MAPK10: variants seen among roughly 807,000 people sequenced by gnomAD.
MAPK10 encodes the protein JNK3 alpha protein kinase.
In MAPK10, 25 loss-of-function variants were observed where a neutral mutation model predicts 59.3. The observed-to-expected ratio is 0.42, with a 90% CI of 0.31 to 0.59. The LOEUF is 0.59. Among genes scored for constraint, MAPK10 ranks in the 20% least tolerant of loss-of-function variants. MAPK10 has a pLI of 0.15. For missense variants in MAPK10, 351 were observed against 568.9 expected (o/e 0.62, Z 3.90); for synonymous variants, 190 against 200.5 (o/e 0.95, Z 0.44).
At chr4:86,323,111 T>C (rs1337783133) in intron 2 of MAPK10, among the ~76,000 whole-genome samples, 1 of 152,172 alleles carries the variant, frequency 6.6e-6, no homozygotes, top group East Asian at 1.9e-4. Context: ...GAGGCGAAGG[T>C]TGCAGTGAGC....
At chr4:86,342,270 C>T (rs1307376961) in intron 2 of MAPK10, among the ~76,000 whole-genome samples, 2 of 152,086 alleles carry the variant, frequency 1.3e-5, no homozygotes, top group African/African-American at 4.8e-5. Context: ...CTCTACTAAG[C>T]AGGAAAATAG....
chr4:86,089,230 C>T, intron 9 of MAPK10: 1 of 1,612,938 alleles, frequency 6.2e-7, no homozygotes, highest in Non-Finnish European at 8.5e-7. Flanking sequence ...AACAGCACTG[C>T]ACCTTTTATC....
intron 2 of MAPK10, among the ~76,000 whole-genome samples, chr4:86,339,271 C>G (rs915556155): frequency 1.3e-5 from 2 of 152,130 alleles, no homozygotes; most frequent in African/African-American, 4.8e-5. Context: ...GAGGCTGAGG[C>G]TAAATAAGAC....
At chr4:86,476,086 T>A (rs1186415202) in intron 1 of MAPK10, among the ~76,000 whole-genome samples, 2 of 152,132 alleles carry the variant, frequency 1.3e-5, no homozygotes, top group Non-Finnish European at 2.9e-5. Flanking sequence ...CTTTTACACA[T>A]TGTTCCCTCC....
chr4:86,282,794 G>A (rs999931822), intron 2 of MAPK10, among the ~76,000 whole-genome samples: 1 of 152,108 alleles, frequency 6.6e-6, no homozygotes, highest in African/African-American at 2.4e-5. Context: ...TTTGAAATGG[G>A]AACATCCAAG....
At chr4:86,513,357 C>A (rs1756424645) in intron 1 of MAPK10, among the ~76,000 whole-genome samples, 1 of 152,118 alleles carries the variant, frequency 6.6e-6, no homozygotes, top group Non-Finnish European at 1.5e-5. Context: ...CAAGGAGATC[C>A]TTTAGTCCAC....
chr4:86,126,013 T>C (rs2060018514), intron 4 of MAPK10: 1 of 152,104 alleles, frequency 6.6e-6, no homozygotes, highest in Non-Finnish European at 1.5e-5. Flanking sequence ...GCAGGACATA[T>C]AATTACGATA....
rs190995712 is a variant in MAPK10, at chr4:86,352,792, A to G, written c.-7+1738T>C. ...ATGCGTATGGTATATTTCACAATTAAAAAATAAACTGATTATGTCAATCTC... is the reference window on the plus strand; with the variant it reads ...ATGCGTATGGTATATTTCACAATTAGAAAATAAACTGATTATGTCAATCTC... On this transcript the variant is annotated intron_variant, in intron 2 of 13. Coordinates refer to ENST00000641462, the MANE Select transcript of MAPK10 (RefSeq NM_138982.4). 8.6e-3 allele frequency among the ~76,000 whole-genome samples: 1,317 copies of G among 152,300 alleles called. 24 individuals carry two copies. The highest frequency in any genetic ancestry group is 0.03 in the African/African-American group (1,238 of 41,554).
chr4:86,314,698 A>T (rs1274981722), intron 2 of MAPK10, among the ~76,000 whole-genome samples: 1 of 152,150 alleles, frequency 6.6e-6, no homozygotes, highest in Non-Finnish European at 1.5e-5. Context: ...ATAGAAATAG[A>T]AGTTGTTGTT....
rs148366468 is a variant in MAPK10 at position 86,408,380 on chromosome 4, T to C, written c.-122+44650A>G. The stretch of plus-strand genomic sequence containing the variant: ...AAACATACATGTGCACATGTCTTTA[T>C]AGTAGCATGATTAAAAATCCTTTGG... On this transcript the variant is annotated intron_variant, in intron 1 of 13. Coordinates refer to the MAPK10 transcript ENST00000361569. Among the ~76,000 whole-genome samples, 1,073 of 152,278 alleles carry C rather than the reference T, an allele frequency of 7.0e-3. 3 individuals are homozygous for C. Among genetic ancestry groups the C allele is most frequent in the Non-Finnish European group, 0.012 (831 of 68,002 alleles).
intron 1 of MAPK10, among the ~76,000 whole-genome samples, chr4:86,583,979 T>A (rs1327744539): frequency 6.6e-6 from 1 of 152,208 alleles, no homozygotes; most frequent in Non-Finnish European, 1.5e-5. Flanking sequence ...TATGCATAGA[T>A]GTGTTTTACT....
chr4:86,221,419 G>C (rs2089540030), intron 2 of MAPK10, among the ~76,000 whole-genome samples: 1 of 151,968 alleles, frequency 6.6e-6, no homozygotes, highest in Admixed American at 6.6e-5. Context: ...AATAAAGGAG[G>C]CACATTGATA....
chr4:86,505,980 T>C (rs1755708317), intron 1 of MAPK10, among the ~76,000 whole-genome samples: 1 of 152,142 alleles, frequency 6.6e-6, no homozygotes, highest in Non-Finnish European at 1.5e-5. Context: ...ATGTAAAACA[T>C]GAGCTAGGCA....
At chr4:86,341,140 TAC>T (rs1724649098) in intron 2 of MAPK10, among the ~76,000 whole-genome samples, 1 of 152,182 alleles carries the variant, frequency 6.6e-6, no homozygotes, top group Non-Finnish European at 1.5e-5. Flanking sequence ...CGCAGGAATT[TAC>T]AGTCATGACT....
intron 9 of MAPK10, among the ~76,000 whole-genome samples, chr4:86,085,261 C>A (rs554397348): frequency 6.6e-6 from 1 of 151,816 alleles, no homozygotes; most frequent in Non-Finnish European, 1.5e-5. Flanking sequence ...TCATATCAAG[C>A]TAAAAACTTC....
At chr4:86,400,948 A>C (rs1443535121) in intron 1 of MAPK10, among the ~76,000 whole-genome samples, 1 of 152,194 alleles carries the variant, frequency 6.6e-6, no homozygotes, top group African/African-American at 2.4e-5. Flanking sequence ...AAACATGGAA[A>C]GTAAAAATAA....
At chr4:86,428,612 A>AT (rs925352242) in intron 1 of MAPK10, among the ~76,000 whole-genome samples, 72 of 152,342 alleles carry the variant, frequency 4.7e-4, no homozygotes, top group Admixed American at 2.9e-3. Context: ...AACTTTTCTC[A>AT]TTTTTTGACT....
chr4:86,506,783 C>T (rs1755771239), intron 1 of MAPK10, among the ~76,000 whole-genome samples: 1 of 152,112 alleles, frequency 6.6e-6, no homozygotes, highest in African/African-American at 2.4e-5. Flanking sequence ...CCACAACAAT[C>T]AAGGTCAGAA....
chr4:86,158,701 G>A (rs28642002), intron 4 of MAPK10, among the ~76,000 whole-genome samples: 25,322 of 151,678 alleles, frequency 0.17, 2,463 homozygotes, highest in African/African-American at 0.27. Flanking sequence ...AATTTTGCAA[G>A]AGTCTTAGGT....
Sources: gnomAD v4.1 joint callset for allele counts (sites outside exome capture counted in the v4.1 genomes callset) on GRCh38, gnomAD v4.1.1 for gene constraint, MANE v1.5 for transcripts, NCBI Gene and HGNC (gene_info 2026-07-23, HGNC 2026-07-21) for gene names.